Variants in KLF8 observed in about 807,000 individuals in gnomAD.
The protein encoded by KLF8 is KLF transcription factor 8, also known as Krueppel-like factor 8.
Under a neutral mutation model 18.2 loss-of-function variants are expected in KLF8, and 10 were observed. The observed-to-expected ratio is 0.55, with a 90% CI of 0.34 to 0.93. The LOEUF is 0.93. KLF8 is among the 40% of genes least tolerant of loss of function. The pLI is 0.02. For missense variants in KLF8, 264 were observed against 277.9 expected, an observed-to-expected ratio of 0.95 and a Z score of 0.36; for synonymous variants, 109 against 97.3, an observed-to-expected ratio of 1.12 and a Z score of -0.71.
the KLF8 span, among the ~76,000 whole-genome samples, chrX:56,148,270 G>A: frequency 5.4e-5 from 6 of 110,904 alleles, no homozygotes; most frequent in Non-Finnish European, 1.1e-4. Flanking sequence ...CTTAAAATTA[G>A]GCCCTAATTC....
At chrX:56,162,042 C>G in the KLF8 span, among the ~76,000 whole-genome samples, 1 of 112,092 alleles carries the variant, frequency 8.9e-6, no homozygotes, top group South Asian at 3.7e-4. Context: ...CCACTCCAGA[C>G]CCTGTTTGCC....
chrX:56,160,777 G>T, the KLF8 span, among the ~76,000 whole-genome samples: 1 of 111,225 alleles, frequency 9.0e-6, no homozygotes, highest in Non-Finnish European at 1.9e-5. Context: ...TTGAGCCTAT[G>T]TGTGTCTCTG....
the KLF8 span, among the ~76,000 whole-genome samples, chrX:56,223,521 C>A: frequency 2.7e-5 from 3 of 112,449 alleles, no homozygotes; most frequent in Non-Finnish European, 5.6e-5. Flanking sequence ...ATGAGGATAT[C>A]ATTTAGTTAG....
the KLF8 span, among the ~76,000 whole-genome samples, chrX:56,090,444 C>T: frequency 9.0e-6 from 1 of 111,586 alleles, no homozygotes; most frequent in Non-Finnish European, 1.9e-5. Flanking sequence ...TAGAATCAAA[C>T]TTATGTATTT....
chrX:56,132,857 T>C, the KLF8 span, among the ~76,000 whole-genome samples: 6 of 111,132 alleles, frequency 5.4e-5, no homozygotes, highest in Admixed American at 5.7e-4. Context: ...CATAGAAATA[T>C]GAAAGATCAT....
the KLF8 span, among the ~76,000 whole-genome samples, chrX:56,093,587 T>C: frequency 9.1e-6 from 1 of 109,700 alleles, no homozygotes. Flanking sequence ...ATGATATAGG[T>C]CAGAAGCTTG....
At chrX:56,077,066 A>G in the KLF8 span, among the ~76,000 whole-genome samples, 1 of 111,644 alleles carries the variant, frequency 9.0e-6, no homozygotes, top group South Asian at 3.7e-4. Flanking sequence ...AGTAGGTTAC[A>G]AAAATTTTCT....
At chrX:55,944,511 C>T in the KLF8 span, among the ~76,000 whole-genome samples, 1 of 111,176 alleles carries the variant, frequency 9.0e-6, no homozygotes, top group African/African-American at 3.3e-5. Context: ...ATTTCAGAGC[C>T]TGTTATTGGT....
At chrX:56,193,864 C>CA in the KLF8 span, among the ~76,000 whole-genome samples, 46 of 109,884 alleles carry the variant, frequency 4.2e-4, no homozygotes, top group African/African-American at 9.9e-4. Context: ...TTAATTGGTG[C>CA]AAAAAAAATT....
At chrX:56,211,510 G>A in the KLF8 span, among the ~76,000 whole-genome samples, 1 of 111,935 alleles carries the variant, frequency 8.9e-6, no homozygotes, top group Admixed American at 9.4e-5. Flanking sequence ...CTTGCCCAAG[G>A]CCTGCTGTAA....
At chrX:56,056,903 A>G in the KLF8 span, among the ~76,000 whole-genome samples, 1 of 109,282 alleles carries the variant, frequency 9.2e-6, no homozygotes, top group African/African-American at 3.3e-5. Context: ...GCTGGTCACT[A>G]GACTCTGATG....
At chrX:55,939,447 T>G in the KLF8 span, among the ~76,000 whole-genome samples, 1 of 111,182 alleles carries the variant, frequency 9.0e-6, no homozygotes, top group Non-Finnish European at 1.9e-5. Context: ...ATTGACACCC[T>G]AACATCACAA....
chrX:56,067,361 A>G, the KLF8 span, among the ~76,000 whole-genome samples: 6 of 109,306 alleles, frequency 5.5e-5, no homozygotes, highest in East Asian at 1.5e-3. Context: ...TTTCATTTGA[A>G]TAGTGTCTAG....
the KLF8 span, among the ~76,000 whole-genome samples, chrX:55,976,142 A>G: frequency 8.9e-6 from 1 of 112,260 alleles, no homozygotes; most frequent in Non-Finnish European, 1.9e-5. Flanking sequence ...TCATATTTTC[A>G]TATATCTATA....
At chrX:56,060,612 A>G in the KLF8 span, among the ~76,000 whole-genome samples, 1 of 111,765 alleles carries the variant, frequency 8.9e-6, no homozygotes, top group Non-Finnish European at 1.9e-5. Context: ...GGATTTTTAC[A>G]TCGATGTTCA....
At chrX:56,284,174 G>T in intron 5 of KLF8, 139 bp from the exon 6 acceptor site, 2 of 430,044 alleles carry the variant, frequency 4.7e-6, no homozygotes, top group Non-Finnish European at 7.6e-6. Flanking sequence ...TAACTTAAAA[G>T]ATTTACAGGC....
chrX:55,994,610 A>G, the KLF8 span, among the ~76,000 whole-genome samples: 7 of 110,597 alleles, frequency 6.3e-5, no homozygotes, highest in Non-Finnish European at 9.5e-5. Flanking sequence ...AGAGATTCTC[A>G]TATGTTTTAT....
chrX:56,045,892 AGTG>A, the KLF8 span, among the ~76,000 whole-genome samples: 1 of 111,669 alleles, frequency 9.0e-6, no homozygotes, highest in African/African-American at 3.3e-5. Context: ...GTTGAATAGA[AGTG>A]GTGAAAGCAG....
chrX:56,156,065 C>A, the KLF8 span, among the ~76,000 whole-genome samples: 1 of 111,662 alleles, frequency 9.0e-6, no homozygotes, highest in Non-Finnish European at 1.9e-5. Context: ...TTGATGGGCA[C>A]CTAGATTGAT....
Sources: allele counts gnomAD v4.1 joint callset (sites outside exome capture counted in the v4.1 genomes callset), GRCh38; gene constraint gnomAD v4.1.1; transcripts MANE v1.5; gene names NCBI Gene and HGNC (gene_info 2026-07-23, HGNC 2026-07-21).